Variants in CDH4 observed in about 807,000 individuals in gnomAD.
The protein encoded by CDH4 is cadherin 4.
A neutral mutation model predicts 86.0 loss-of-function variants in CDH4; 33 were observed. That is an observed-to-expected ratio of 0.38 (90% CI 0.29 to 0.51). CDH4 has a LOEUF of 0.51. Ranked by LOEUF, CDH4 falls within the 20% of genes least tolerant of loss-of-function variation. The pLI, the probability that CDH4 is intolerant of heterozygous loss-of-function variation, is 0.86. For synonymous variants in CDH4, 555 were observed against 549.4 expected, an observed-to-expected ratio of 1.01 and a Z score of -0.14; for missense variants, 1,114 against 1,307.4, an observed-to-expected ratio of 0.85 and a Z score of 2.28.
At chr20:61,677,004 G>T (rs973366704) in intron 2 of CDH4, among the ~76,000 whole-genome samples, 2 of 152,208 alleles carry the variant, frequency 1.3e-5, no homozygotes, top group Non-Finnish European at 2.9e-5. Context: ...AGCAGACCAG[G>T]AGGGTGCTGA....
chr20:61,821,017 G>A (rs1980994938), intron 4 of CDH4, among the ~76,000 whole-genome samples: 1 of 151,856 alleles, frequency 6.6e-6, no homozygotes, highest in Non-Finnish European at 1.5e-5. Context: ...GATTTGCGGG[G>A]CAGTTCCCGC....
intron 2 of CDH4, among the ~76,000 whole-genome samples, chr20:61,602,718 A>AAC (rs1465773045): frequency 1.3e-5 from 2 of 149,832 alleles, no homozygotes; most frequent in African/African-American, 4.9e-5. Context: ...AAAAAAAAAA[A>AAC]AACTTGAGCA....
intron 4 of CDH4, among the ~76,000 whole-genome samples, chr20:61,839,297 T>C (rs1228463602): frequency 6.6e-6 from 1 of 151,914 alleles, no homozygotes; most frequent in Non-Finnish European, 1.5e-5. Context: ...GGGGAGTGTG[T>C]GTGTGTATTG....
intron 2 of CDH4, among the ~76,000 whole-genome samples, chr20:61,727,224 C>T (rs2145921026): frequency 6.6e-6 from 1 of 151,960 alleles, no homozygotes; most frequent in South Asian, 2.1e-4. Context: ...GAGCCATCAT[C>T]ACCATTGAAG....
At chr20:61,320,480 G>C (rs2084502028) in intron 2 of CDH4, among the ~76,000 whole-genome samples, 1 of 152,008 alleles carries the variant, frequency 6.6e-6, no homozygotes, top group Non-Finnish European at 1.5e-5. Flanking sequence ...CGGTGACCTG[G>C]TGGTCTCAGC....
intron 2 of CDH4, among the ~76,000 whole-genome samples, chr20:61,432,952 C>T (rs537341488): frequency 4.6e-5 from 7 of 151,144 alleles, no homozygotes; most frequent in Admixed American, 4.6e-4. Context: ...AATTCTCCTG[C>T]CTCAGCCTCC....
chr20:61,901,654 C>G (rs769504683), intron 8 of CDH4, among the ~76,000 whole-genome samples: 1 of 152,252 alleles, frequency 6.6e-6, no homozygotes, highest in Non-Finnish European at 1.5e-5. Flanking sequence ...ACACCGGGCT[C>G]CGGCCGGGAG....
intron 2 of CDH4, among the ~76,000 whole-genome samples, chr20:61,736,894 G>C (rs563643009): frequency 6.6e-6 from 1 of 152,260 alleles, no homozygotes; most frequent in South Asian, 2.1e-4. Context: ...CGAAGACGTG[G>C]GTGACAGGCG....
chr20:61,617,789 G>A (rs752642455), intron 2 of CDH4, among the ~76,000 whole-genome samples: 1 of 152,154 alleles, frequency 6.6e-6, no homozygotes, highest in Non-Finnish European at 1.5e-5. Flanking sequence ...AGGGAGGAGA[G>A]GCCTGATAGG....
intron 2 of CDH4, among the ~76,000 whole-genome samples, chr20:61,655,406 C>T (rs1378665594): frequency 6.6e-6 from 1 of 152,210 alleles, no homozygotes; most frequent in South Asian, 2.1e-4. Flanking sequence ...ACACAGAACA[C>T]TCATTTCAGC....
At chr20:61,284,602 T>C (rs2084283115) in intron 2 of CDH4, among the ~76,000 whole-genome samples, 1 of 152,228 alleles carries the variant, frequency 6.6e-6, no homozygotes, top group Admixed American at 6.5e-5. Context: ...TTATAACATA[T>C]GCCTAGCATG....
intron 4 of CDH4, among the ~76,000 whole-genome samples, chr20:61,844,127 A>C (rs1982312877): frequency 6.6e-6 from 1 of 152,124 alleles, no homozygotes; most frequent in Non-Finnish European, 1.5e-5. Flanking sequence ...TCCCCATCCC[A>C]AGTAAAACTC....
At chr20:61,885,055 C>T (rs1040408278) in intron 7 of CDH4, among the ~76,000 whole-genome samples, 37 of 152,102 alleles carry the variant, frequency 2.4e-4, no homozygotes, top group Non-Finnish European at 1.0e-4. Flanking sequence ...CCCACCAGCT[C>T]GGTGATCCAT....
rs2086061785 is a variant in CDH4 at position 61,544,354 on chromosome 20, CGTGTCCA to C, written c.170-199207_170-199201del. Among the ~76,000 whole-genome samples, 1 of 151,994 alleles carries C rather than the reference CGTGTCCA, an allele frequency of 6.6e-6. No homozygotes were observed. The highest frequency in any genetic ancestry group is 6.5e-5 in the Admixed American group (1 of 15,272). On this transcript the variant is annotated intron_variant, in intron 2 of 15. Transcript: ENST00000614565. This position sits in a 1 kb window ranked among gnomAD's most constrained non-coding sequence, Gnocchi z 6.5. Reference sequence around the variant, plus strand: ...GAAGCATCCAGCTCCATGTATCACTCGTGTCCAGGCCGAGAAACCCGACGTAGAAATC... The same window carrying C: ...GAAGCATCCAGCTCCATGTATCACTCGGCCGAGAAACCCGACGTAGAAATC...
chr20:61,664,511 G>T (rs2087300542), intron 2 of CDH4, among the ~76,000 whole-genome samples: 1 of 152,232 alleles, frequency 6.6e-6, no homozygotes, highest in Non-Finnish European at 1.5e-5. Flanking sequence ...CATCAGCCGG[G>T]CTGGGAGCCG....
chr20:61,381,656 C>G (rs184525081), intron 2 of CDH4, among the ~76,000 whole-genome samples: 12 of 152,186 alleles, frequency 7.9e-5, no homozygotes, highest in Admixed American at 7.2e-4. Flanking sequence ...AAGATTTGAG[C>G]CACCAGTTAA....
chr20:61,709,205 G>A lies in CDH4; in HGVS notation c.170-34358G>A, dbSNP rs1478389329. ...AAGCAAATGCAGGAAACTGGGGCCA[G>A]GCTGGGCCACTGTCAGGGGTTTTGC... On this transcript the variant is annotated intron_variant, in intron 2 of 15. Transcript: ENST00000614565. This position sits in a 1 kb window ranked among gnomAD's most constrained non-coding sequence, Gnocchi z 4.8. Among the ~76,000 whole-genome samples the A allele has an allele frequency of 6.6e-6, 1 of 152,242 alleles. No individual in the cohort carries two copies. Among genetic ancestry groups the A allele is most frequent in the Non-Finnish European group, 1.5e-5 (1 of 68,034 alleles).
Position 61,783,889 on chromosome 20 carries a change from C to T in CDH4, c.576+10707C>T, listed in dbSNP as rs1213064716. ...TGTGCCCCCAAGAGAAATGTAATCC[C>T]AGTTCCTTGGGACAGTTCTCAAGGC... On this transcript the variant is annotated intron_variant, in intron 4 of 15. Transcript: ENST00000614565. Among the ~76,000 whole-genome samples the T allele has an allele frequency of 8.1e-3, 108 of 13,352 alleles. 4 individuals carry two copies. Among genetic ancestry groups the T allele is most frequent in the Admixed American group, 0.018 (21 of 1,170 alleles). The allele number at this position is 13,352 out of a possible 152,430, so 8.8% of individuals were successfully genotyped here. A position where few individuals can be genotyped will look rare whatever the true frequency, so the allele number is the denominator to read the frequency against.
chr20:61,917,873 C>T (rs2054922340), intron 9 of CDH4, among the ~76,000 whole-genome samples: 1 of 152,272 alleles, frequency 6.6e-6, no homozygotes, highest in Non-Finnish European at 1.5e-5. Context: ...CCATAATCAT[C>T]TTTCTGGAAG....
Sources: allele counts gnomAD v4.1 joint callset (sites outside exome capture counted in the v4.1 genomes callset), GRCh38; gene constraint gnomAD v4.1.1; non-coding constraint Gnocchi (gnomAD v3.1); transcripts MANE v1.5; gene names NCBI Gene and HGNC (gene_info 2026-07-23, HGNC 2026-07-21).